The following ADK variants were observed in gnomAD, a reference collection of about 807,000 sequenced individuals.
ADK encodes N6,N6-dimethyladenosine kinase.
ADK carries 24 observed loss-of-function variants against 44.7 expected under a neutral mutation model. The ratio of observed to expected loss-of-function variants is 0.54; its 90% CI spans 0.39 to 0.76. ADK has a LOEUF of 0.76. Among genes scored for constraint, ADK ranks in the 30% least tolerant of loss-of-function variants. The probability of loss-of-function intolerance (pLI) is 0.00; values close to 1 mark genes in which losing one functional copy is unlikely to be tolerated. For missense variants in ADK, 321 were observed against 425.1 expected (o/e 0.76, Z 2.15); for synonymous variants, 128 against 142.6 (o/e 0.90, Z 0.73).
chr10:74,331,953 A>G (rs1369010154), intron 4 of ADK, among the ~76,000 whole-genome samples: 1 of 152,184 alleles, frequency 6.6e-6, no homozygotes, highest in Non-Finnish European at 1.5e-5. Context: ...TTCTGGGTTC[A>G]AGGAATCCTC....
At chr10:74,361,764 C>T (rs1842343265) in intron 4 of ADK, among the ~76,000 whole-genome samples, 1 of 152,118 alleles carries the variant, frequency 6.6e-6, no homozygotes, top group Non-Finnish European at 1.5e-5. Context: ...GGTAAATTCC[C>T]TCAGCTTTTG....
intron 9 of ADK, among the ~76,000 whole-genome samples, chr10:74,637,117 G>A (rs1300011543): frequency 1.3e-5 from 2 of 152,140 alleles, no homozygotes; most frequent in Non-Finnish European, 2.9e-5. Flanking sequence ...AGTAAGAATT[G>A]TATAACTTAT....
chr10:74,366,680 A>G (rs978621334), intron 4 of ADK, among the ~76,000 whole-genome samples: 1 of 152,204 alleles, frequency 6.6e-6, no homozygotes, highest in Non-Finnish European at 1.5e-5. Flanking sequence ...CTGTAATCTC[A>G]GCATTTTGGG....
At chr10:74,152,402 CTATTTT>C (rs1383205971) in intron 1 of ADK, among the ~76,000 whole-genome samples, 1 of 152,164 alleles carries the variant, frequency 6.6e-6, no homozygotes, top group African/African-American at 2.4e-5. Context: ...TCAGGATATT[CTATTTT>C]TATTTTAAAT....
intron 4 of ADK, 85 bp downstream of exon 4, chr10:74,314,830 G>T: frequency 9.9e-7 from 1 of 1,013,726 alleles, no homozygotes; most frequent in Admixed American, 1.9e-5. Flanking sequence ...CTTTTATATT[G>T]TGTTGCTGTA....
At chr10:74,319,539 A>G (rs914593792) in intron 4 of ADK, among the ~76,000 whole-genome samples, 4 of 152,148 alleles carry the variant, frequency 2.6e-5, no homozygotes, top group African/African-American at 4.8e-5. Context: ...TAAAGACCCT[A>G]TCTTCAAATG....
At chr10:74,699,675 C>T (rs536510615) in intron 10 of ADK, among the ~76,000 whole-genome samples, 15 of 152,034 alleles carry the variant, frequency 9.9e-5, no homozygotes, top group Non-Finnish European at 1.8e-4. Context: ...CTCTCAAAAA[C>T]GATAATAATA....
chr10:74,702,682 TCTGCCTC>T (rs1050171466), intron 10 of ADK, among the ~76,000 whole-genome samples: 4 of 151,818 alleles, frequency 2.6e-5, no homozygotes, highest in African/African-American at 9.7e-5. Flanking sequence ...CACTGTGACC[TCTGCCTC>T]CTGAGTTCAA....
intron 3 of ADK, among the ~76,000 whole-genome samples, chr10:74,282,036 T>C (rs1846960166): frequency 6.6e-6 from 1 of 152,212 alleles, no homozygotes; most frequent in South Asian, 2.1e-4. Flanking sequence ...TATGTGTGAC[T>C]TTTCTTGCAA....
intron 4 of ADK, among the ~76,000 whole-genome samples, chr10:74,359,281 A>G (rs1452402358): frequency 1.3e-5 from 2 of 151,956 alleles, no homozygotes; most frequent in Non-Finnish European, 2.9e-5. Flanking sequence ...TTTGCTCAGG[A>G]TTATTTTAGC....
chr10:74,540,835 T>C (rs961023954), intron 7 of ADK, among the ~76,000 whole-genome samples: 1 of 152,092 alleles, frequency 6.6e-6, no homozygotes, highest in Non-Finnish European at 1.5e-5. Context: ...TATATCACAG[T>C]AGAAAAAGTG....
At chr10:74,607,186 A>G (rs182967003) in intron 9 of ADK, among the ~76,000 whole-genome samples, 19 of 152,104 alleles carry the variant, frequency 1.2e-4, no homozygotes, top group Admixed American at 9.8e-4. Flanking sequence ...TCTTTATCCA[A>G]TTCCCCAGTC....
chr10:74,259,692 C>T (rs1161863334), intron 3 of ADK, among the ~76,000 whole-genome samples: 3 of 151,458 alleles, frequency 2.0e-5, no homozygotes, highest in African/African-American at 4.9e-5. Flanking sequence ...CTCCTGACCT[C>T]GTGATCCGTC....
intron 6 of ADK, among the ~76,000 whole-genome samples, chr10:74,457,337 A>G (rs553630863): frequency 1.3e-5 from 2 of 152,328 alleles, no homozygotes; most frequent in East Asian, 3.9e-4. Flanking sequence ...GGCAGTAATT[A>G]ATAGCCTACC....
chr10:74,232,560 CA>C (rs1222813891), intron 3 of ADK, among the ~76,000 whole-genome samples: 22 of 105,362 alleles, frequency 2.1e-4, no homozygotes, highest in African/African-American at 6.4e-4. Flanking sequence ...CCCCCCCCCC[CA>C]AAAAAAAACA....
chr10:74,503,109 A>C (rs1283028343), intron 6 of ADK, among the ~76,000 whole-genome samples: 1 of 152,188 alleles, frequency 6.6e-6, no homozygotes, highest in Non-Finnish European at 1.5e-5. Context: ...AGTATGGCCT[A>C]TGAGCCATAC....
intron 6 of ADK, among the ~76,000 whole-genome samples, chr10:74,437,158 C>T (rs140967004): frequency 3.9e-5 from 6 of 152,070 alleles, no homozygotes; most frequent in African/African-American, 1.4e-4. Context: ...AAGTGAAAAA[C>T]AATGTTTAAT....
chr10:74,312,724 G>A (rs1840477980), intron 3 of ADK, among the ~76,000 whole-genome samples: 1 of 149,290 alleles, frequency 6.7e-6, no homozygotes, highest in Non-Finnish European at 1.5e-5. Context: ...TGGGCAACAT[G>A]GTGAAGCCTG....
rs1848988254 is a variant in ADK, at chr10:74,525,165, C to T, written c.556-91C>T. The T allele has an allele frequency of 2.4e-6, 3 of 1,253,546 alleles. 1 individual carries two copies. The highest frequency in any genetic ancestry group is 2.6e-5 in the South Asian group (2 of 77,846). The allele number at this position is 1,253,546 out of a possible 1,614,324, so 77.7% of individuals were successfully genotyped here. On this transcript the variant is annotated intron_variant, in intron 6 of 10. Transcript: ENST00000539909. The stretch of plus-strand genomic sequence containing the variant: ...GCATCTTATAATTGTATTTTATATA[C>T]TTTTGTATTTTGTATAGGTTTCTTT...
Sources: gnomAD v4.1 joint callset for allele counts (sites outside exome capture counted in the v4.1 genomes callset) on GRCh38, gnomAD v4.1.1 for gene constraint, MANE v1.5 for transcripts, NCBI Gene and HGNC (gene_info 2026-07-23, HGNC 2026-07-21) for gene names.